Variants in MYO16 observed in about 807,000 individuals in gnomAD.
MYO16 encodes unconventional myosin-XVI.
Under a neutral mutation model 205.3 loss-of-function variants are expected in MYO16, and 94 were observed. That is an observed-to-expected ratio of 0.46 (90% CI 0.39 to 0.54). The LOEUF is 0.54. MYO16 is among the 20% of genes least tolerant of loss of function. The pLI, the probability that MYO16 is intolerant of heterozygous loss-of-function variation, is 0.00. For synonymous variants in MYO16, 988 were observed against 954.0 expected, an observed-to-expected ratio of 1.04 and a Z score of -0.66; for missense variants, 2,315 against 2,387.5, an observed-to-expected ratio of 0.97 and a Z score of 0.63.
At chr13:109,205,667 C>T (rs1032696227) in intron 34 of MYO16, among the ~76,000 whole-genome samples, 1 of 152,176 alleles carries the variant, frequency 6.6e-6, no homozygotes. Context: ...AGACTTCTGG[C>T]GGCTGGCAGA....
At chr13:109,131,167 G>A (rs1876514311) in intron 31 of MYO16, among the ~76,000 whole-genome samples, 2 of 152,160 alleles carry the variant, frequency 1.3e-5, no homozygotes, top group Admixed American at 1.3e-4. Context: ...TTTTGTACCT[G>A]AGCCATCCTT....
intron 6 of MYO16, among the ~76,000 whole-genome samples, chr13:108,798,697 T>TA (rs1566336203): frequency 9.5e-6 from 1 of 105,456 alleles, no homozygotes. Flanking sequence ...TATTTTTTTT[T>TA]TTTTTTTTTT....
At chr13:108,657,287 C>T (rs11839181) in intron 1 of MYO16, among the ~76,000 whole-genome samples, 52,301 of 152,060 alleles carry the variant, frequency 0.34, 9,715 homozygotes, top group African/African-American at 0.49. Context: ...TTCTGTTCCA[C>T]TGGTCTAAGT....
rs117111964 is a variant in MYO16, at chr13:108,805,111, C to G, written c.742-1568C>G. On this transcript the variant is annotated intron_variant, in intron 6 of 34. Transcript: ENST00000457511. Reference sequence around the variant, plus strand: ...AACTGCCAATCATTTACTGATTATTCAGATAACGTAGAATCAATTTAGAAG... The same window carrying G: ...AACTGCCAATCATTTACTGATTATTGAGATAACGTAGAATCAATTTAGAAG... Among the ~76,000 whole-genome samples the G allele has an allele frequency of 2.2e-3, 332 of 152,262 alleles. 9 individuals carry two copies. The highest frequency in any genetic ancestry group is 0.021 in the East Asian group (109 of 5,176).
the MYO16 span, among the ~76,000 whole-genome samples, chr13:108,529,052 T>A: frequency 2.0e-5 from 3 of 152,216 alleles, no homozygotes; most frequent in Admixed American, 2.0e-4. Context: ...ATAACCTAAA[T>A]ATCATTTCCT....
At chr13:108,533,583 A>C in the MYO16 span, among the ~76,000 whole-genome samples, 1 of 152,208 alleles carries the variant, frequency 6.6e-6, no homozygotes, top group African/African-American at 2.4e-5. Context: ...CCACACATTG[A>C]TGCTGGGAGT....
chr13:108,830,541 A>T (rs1419310006), intron 9 of MYO16, among the ~76,000 whole-genome samples: 2 of 146,982 alleles, frequency 1.4e-5, no homozygotes, highest in Admixed American at 1.4e-4. Context: ...ATTCTCACTC[A>T]TAGGTGGGAA....
chr13:109,045,573 A>C (rs1344490556), intron 23 of MYO16, among the ~76,000 whole-genome samples: 1 of 152,166 alleles, frequency 6.6e-6, no homozygotes, highest in African/African-American at 2.4e-5. Context: ...TTCTGACCCA[A>C]ATTTATTGGA....
At chr13:108,732,408 A>G (rs574585774) in intron 4 of MYO16, among the ~76,000 whole-genome samples, 1 of 152,320 alleles carries the variant, frequency 6.6e-6, no homozygotes, top group African/African-American at 2.4e-5. Flanking sequence ...GAAGAAAGGA[A>G]CAGAGTATTA....
At chr13:108,786,532 C>T (rs942841907) in intron 5 of MYO16, among the ~76,000 whole-genome samples, 8 of 152,290 alleles carry the variant, frequency 5.3e-5, no homozygotes, top group Admixed American at 4.6e-4. Context: ...CCACACGGAG[C>T]TTATGCAGAT....
At chr13:108,528,055 G>T in the MYO16 span, among the ~76,000 whole-genome samples, 221 of 152,248 alleles carry the variant, frequency 1.5e-3, no homozygotes, top group African/African-American at 5.2e-3. Flanking sequence ...GTAACTACAG[G>T]ATCTCCAGGC....
intron 1 of MYO16, among the ~76,000 whole-genome samples, chr13:108,636,346 CTTTTTTTTTTTTTTTT>C (rs71125326): frequency 1.2e-5 from 1 of 81,300 alleles, no homozygotes; most frequent in African/African-American, 4.3e-5. Context: ...AAATATTTCC[CTTTTTTTTTTTTTTTT>C]TTTTTTTTGT....
At chr13:108,631,069 C>A (rs1052966271) in intron 1 of MYO16, among the ~76,000 whole-genome samples, 74 of 152,282 alleles carry the variant, frequency 4.9e-4, no homozygotes, top group Non-Finnish European at 7.5e-4. Flanking sequence ...TGAGAATAGT[C>A]TTCTGCTTTA....
At chr13:108,726,066 A>C (rs187644657) in intron 3 of MYO16, among the ~76,000 whole-genome samples, 1 of 152,280 alleles carries the variant, frequency 6.6e-6, no homozygotes, top group Non-Finnish European at 1.5e-5. Context: ...ATTGGTGGGT[A>C]AATTTGTGTG....
At chr13:108,810,235 T>G (rs1004820840) in intron 7 of MYO16, among the ~76,000 whole-genome samples, 32 of 152,234 alleles carry the variant, frequency 2.1e-4, no homozygotes, top group African/African-American at 6.8e-4. Context: ...TTTACTACTT[T>G]GTTCCATTAA....
chr13:108,774,248 C>T (rs758974905), intron 4 of MYO16, among the ~76,000 whole-genome samples: 21 of 152,098 alleles, frequency 1.4e-4, no homozygotes, highest in Admixed American at 5.9e-4. Context: ...ATATACACCT[C>T]TTGGTTCATA....
At chr13:108,900,597 T>G (rs1394222647) in intron 15 of MYO16, among the ~76,000 whole-genome samples, 1 of 152,240 alleles carries the variant, frequency 6.6e-6, no homozygotes, top group Non-Finnish European at 1.5e-5. Context: ...CACTTATCAC[T>G]TCCCCAATCA....
chr13:109,042,614 T>A (rs1255264719), intron 23 of MYO16, among the ~76,000 whole-genome samples: 1 of 152,234 alleles, frequency 6.6e-6, no homozygotes, highest in Non-Finnish European at 1.5e-5. Flanking sequence ...TGAAAAAATG[T>A]ATAAGCTATT....
chr13:108,674,394 C>T (rs986940880), intron 2 of MYO16, among the ~76,000 whole-genome samples: 2 of 152,136 alleles, frequency 1.3e-5, no homozygotes, highest in African/African-American at 4.8e-5. Flanking sequence ...ATAGAAGGAG[C>T]CTGTTATAAT....
Sources: allele counts gnomAD v4.1 joint callset (sites outside exome capture counted in the v4.1 genomes callset), GRCh38; gene constraint gnomAD v4.1.1; transcripts MANE v1.5; gene names NCBI Gene and HGNC (gene_info 2026-07-23, HGNC 2026-07-21).